The following ADGRF5 variants were observed in gnomAD, a reference collection of about 807,000 sequenced individuals.
The protein encoded by ADGRF5 is adhesion G protein-coupled receptor F5, also known as G-protein coupled receptor 116.
A neutral mutation model predicts 132.3 loss-of-function variants in ADGRF5; 75 were observed. The observed-to-expected ratio is 0.57, with a 90% CI of 0.47 to 0.69. The LOEUF (loss-of-function observed/expected upper bound fraction) is 0.69, where lower values mean the gene tolerates loss of function less well. Among genes scored for constraint, ADGRF5 ranks in the 30% least tolerant of loss-of-function variants. The pLI is 0.00. For missense variants in ADGRF5, 1,516 were observed against 1,630.6 expected (o/e 0.93, Z 1.21); for synonymous variants, 629 against 597.6 (o/e 1.05, Z -0.77).
chr6:46,881,319 G>GT, intron 8 of ADGRF5, 136 bp downstream of exon 8: 1 of 688,818 alleles, frequency 1.5e-6, no homozygotes. Flanking sequence ...TGGCATAAGA[G>GT]GAGGAGGTGG....
At chr6:46,917,414 G>T (rs1225474628) in intron 1 of ADGRF5, among the ~76,000 whole-genome samples, 2 of 152,184 alleles carry the variant, frequency 1.3e-5, no homozygotes, top group Non-Finnish European at 2.9e-5. Flanking sequence ...TATGGACTCT[G>T]AAGTCAGACT....
At chr6:46,899,704 G>C (rs1427780647) in intron 3 of ADGRF5, among the ~76,000 whole-genome samples, 2 of 151,756 alleles carry the variant, frequency 1.3e-5, no homozygotes, top group Non-Finnish European at 2.9e-5. Flanking sequence ...AAAAAGAAAG[G>C]CTTCTGGATG....
intron 3 of ADGRF5, among the ~76,000 whole-genome samples, chr6:46,895,125 C>T (rs959062898): frequency 9.2e-5 from 14 of 151,780 alleles, no homozygotes; most frequent in African/African-American, 2.9e-4. Context: ...TGCAGTGAGC[C>T]GAGATCGCAC....
chr6:46,951,970 G>A (rs889655779), intron 1 of ADGRF5, among the ~76,000 whole-genome samples: 2 of 152,242 alleles, frequency 1.3e-5, no homozygotes, highest in African/African-American at 4.8e-5. Flanking sequence ...CATGAAGCAT[G>A]AGAGAATGTG....
rs761056955 is a variant in ADGRF5, at chr6:46,854,046, T to C, written c.3987A>G (p.Glu1329=). ...AGTTTTCCAGGGATGAGCTGGTTGC[T>C]TCTGGGGTGGAAACATTATACGTTC... ...KTGTYNVSTP[E]ATSSSLENSS... Residue 1329 remains glutamate (E), a synonymous_variant, in exon 21 of 21, where the codon GAA becomes GAG. Transcript: ENST00000283296. The C allele has an allele frequency of 4.4e-6, 7 of 1,603,702 alleles. No individual in the cohort carries two copies. Among genetic ancestry groups the C allele is most frequent in the Non-Finnish European group, 3.4e-6 (4 of 1,176,674 alleles).
intron 2 of ADGRF5, chr6:46,905,324 C>G (rs1451518399): frequency 1.3e-5 from 2 of 151,866 alleles, no homozygotes; most frequent in Non-Finnish European, 2.9e-5. Flanking sequence ...AGGAGACACA[C>G]CATATATATT....
intron 1 of ADGRF5, among the ~76,000 whole-genome samples, chr6:46,919,576 G>C (rs1776734057): frequency 6.6e-6 from 1 of 152,174 alleles, no homozygotes; most frequent in Non-Finnish European, 1.5e-5. Flanking sequence ...AGTAAGTGAG[G>C]TTACTATATC....
At chr6:46,904,205 T>A (rs220694) in intron 2 of ADGRF5, among the ~76,000 whole-genome samples, 55,251 of 152,130 alleles carry the variant, frequency 0.36, 12,286 homozygotes, top group Non-Finnish European at 0.48. Flanking sequence ...AGCACTGAGC[T>A]ACATCATCAC....
intron 13 of ADGRF5, among the ~76,000 whole-genome samples, chr6:46,865,587 G>A (rs1043359558): frequency 1.3e-4 from 20 of 152,214 alleles, no homozygotes; most frequent in Admixed American, 3.3e-4. Flanking sequence ...TGGAGAGAAA[G>A]TACCTTGTCT....
chr6:46,917,856 C>A, intron 1 of ADGRF5, among the ~76,000 whole-genome samples: 1 of 152,198 alleles, frequency 6.6e-6, no homozygotes, highest in Non-Finnish European at 1.5e-5. Flanking sequence ...ATGTAACAAA[C>A]CTGCACCTTG....
intron 1 of ADGRF5, among the ~76,000 whole-genome samples, chr6:46,935,686 C>T (rs1292543480): frequency 6.6e-6 from 1 of 152,192 alleles, no homozygotes; most frequent in East Asian, 1.9e-4. Context: ...TCCTTTTCCC[C>T]AAGTCCCTCT....
chr6:46,899,667 TGTTTG>T, intron 3 of ADGRF5, among the ~76,000 whole-genome samples: 1 of 69,666 alleles, frequency 1.4e-5, no homozygotes. Flanking sequence ...TTTTTTTTTT[TGTTTG>T]TTTTGTTTTT....
upstream of ADGRF5, among the ~76,000 whole-genome samples, chr6:46,922,349 G>A (rs1365511324): frequency 4.6e-5 from 7 of 152,182 alleles, no homozygotes; most frequent in African/African-American, 7.2e-5. Flanking sequence ...TAGAGAAGTT[G>A]CTTAGTCCTC....
chr6:46,911,514 C>T (rs1302274715), intron 1 of ADGRF5, among the ~76,000 whole-genome samples: 1 of 152,178 alleles, frequency 6.6e-6, no homozygotes, highest in East Asian at 1.9e-4. Flanking sequence ...CCTAACCCCA[C>T]ACAATCACTG....
At chr6:46,914,517 C>A (rs1407126910) in intron 1 of ADGRF5, among the ~76,000 whole-genome samples, 2 of 152,132 alleles carry the variant, frequency 1.3e-5, no homozygotes, top group Non-Finnish European at 2.9e-5. Flanking sequence ...TGTGTCAGGG[C>A]AGTTCAGTAC....
At position 46,853,764 on chromosome 6, in the gene ADGRF5, A is replaced by G; in HGVS notation, c.*228T>C. 1 of 391,958 alleles carries G rather than the reference A, an allele frequency of 2.6e-6. No individual in the cohort carries two copies. The highest frequency in any genetic ancestry group is 2.7e-5 in the South Asian group (1 of 36,986). The allele number at this position is 391,958 out of a possible 1,614,324, so 24.3% of individuals were successfully genotyped here. ...GGCTTGAGTTTCACTTAAATACTAT[A>G]CACATGTGGTATCACACAAGGGGGA... On this transcript the variant is annotated 3_prime_UTR_variant, in exon 21 of 21. Transcript: ENST00000283296.
chr6:46,856,101 G>C, intron 19 of ADGRF5, 43 bp from the exon 20 acceptor site: 1 of 1,128,880 alleles, frequency 8.9e-7, no homozygotes, highest in Non-Finnish European at 1.3e-6. Flanking sequence ...GCAAATTTGT[G>C]GGACCAAAGC....
chr6:46,935,249 C>T (rs546926027), intron 1 of ADGRF5, among the ~76,000 whole-genome samples: 216 of 152,080 alleles, frequency 1.4e-3, no homozygotes, highest in Non-Finnish European at 2.4e-3. Flanking sequence ...GTGATCCACC[C>T]GCCTCGGCCT....
At chr6:46,891,362 AG>A (rs1199437736) in intron 3 of ADGRF5, among the ~76,000 whole-genome samples, 1 of 152,228 alleles carries the variant, frequency 6.6e-6, no homozygotes, top group Non-Finnish European at 1.5e-5. Context: ...AATATTTACG[AG>A]GAGAAAGGCT....
Sources: gnomAD v4.1 joint callset for allele counts (sites outside exome capture counted in the v4.1 genomes callset) on GRCh38, gnomAD v4.1.1 for gene constraint, MANE v1.5 for transcripts, NCBI Gene and HGNC (gene_info 2026-07-23, HGNC 2026-07-21) for gene names.